Variants in SLC4A1AP observed in about 807,000 individuals in gnomAD.
The protein encoded by SLC4A1AP is kanadaptin.
A neutral mutation model predicts 89.7 loss-of-function variants in SLC4A1AP; 64 were observed. That is an observed-to-expected ratio of 0.71 (90% CI 0.58 to 0.88). SLC4A1AP has a LOEUF of 0.88. Among genes scored for constraint, SLC4A1AP ranks in the 40% least tolerant of loss-of-function variants. The probability of loss-of-function intolerance (pLI) is 0.00; values close to 1 mark genes in which losing one functional copy is unlikely to be tolerated. For missense variants in SLC4A1AP, 931 were observed against 965.0 expected, an observed-to-expected ratio of 0.96 and a Z score of 0.47; for synonymous variants, 366 against 353.3, an observed-to-expected ratio of 1.04 and a Z score of -0.40.
At chr2:27,673,333 C>CT (rs11395333) in intron 5 of SLC4A1AP, among the ~76,000 whole-genome samples, 146,928 of 148,222 alleles carry the variant, frequency 0.99, 72,829 homozygotes, top group South Asian at 1. Context: ...TCTTTCTTTT[C>CT]TTTCTTTCTT....
At chr2:27,668,945 C>T in intron 4 of SLC4A1AP, 42 bp downstream of exon 4, 3 of 1,558,682 alleles carry the variant, frequency 1.9e-6, no homozygotes, top group South Asian at 1.1e-5. Context: ...GGAAAATGGC[C>T]AATTTCAGGT....
intron 2 of SLC4A1AP, 78 bp downstream of exon 2, chr2:27,665,373 C>T (rs1199052674): frequency 3.1e-6 from 4 of 1,271,148 alleles, no homozygotes; most frequent in African/African-American, 1.5e-5. Context: ...TTTTTTAAAT[C>T]ATACAGCTTT....
At chr2:27,684,251 C>G (rs1182176965) in intron 9 of SLC4A1AP, among the ~76,000 whole-genome samples, 2 of 151,960 alleles carry the variant, frequency 1.3e-5, no homozygotes. Context: ...CATGGTGAAA[C>G]CCCGTCTCTA....
intron 9 of SLC4A1AP, 93 bp downstream of exon 9, chr2:27,682,452 T>C: frequency 1.4e-6 from 1 of 718,266 alleles, no homozygotes; most frequent in South Asian, 1.8e-5. Context: ...AAATGACTCA[T>C]TCCATAGTAA....
chr2:27,688,023 A>G lies in SLC4A1AP; in HGVS notation c.2203+3A>G, dbSNP rs1259786292. The stretch of plus-strand genomic sequence containing the variant: ...TTCATTGTGCGCAGGACCCTCAGGC[A>G]AGTAGTACGGCAGCCTTCATTGCTG... On this transcript the variant is annotated splice_donor_region_variant and intron_variant, in intron 11 of 13. Coordinates refer to ENST00000613058, the Ensembl canonical transcript of SLC4A1AP. 2 of 1,612,800 alleles carry G rather than the reference A, an allele frequency of 1.2e-6. No individual in the cohort carries two copies. The highest frequency in any genetic ancestry group is 1.7e-6 in the Non-Finnish European group (2 of 1,178,978).
exon 5 of SLC4A1AP, chr2:27,669,259 A>G: frequency 6.2e-7 from 1 of 1,611,134 alleles, no homozygotes; most frequent in South Asian, 1.1e-5. Flanking sequence ...TTACCTGTGG[A>G]CGATTCAACT....
At chr2:27,672,160 T>A (rs1489991111) in intron 5 of SLC4A1AP, among the ~76,000 whole-genome samples, 2 of 152,206 alleles carry the variant, frequency 1.3e-5, no homozygotes, top group Non-Finnish European at 2.9e-5. Flanking sequence ...TCTGGGTACT[T>A]GTTGGATCCT....
chr2:27,680,279 A>G (rs1206811915), intron 8 of SLC4A1AP, among the ~76,000 whole-genome samples: 1 of 152,156 alleles, frequency 6.6e-6, no homozygotes, highest in Non-Finnish European at 1.5e-5. Flanking sequence ...GAGACTTTTC[A>G]CAGTATATGT....
At chr2:27,669,641 A>G (rs999355705) in intron 5 of SLC4A1AP, among the ~76,000 whole-genome samples, 12 of 151,478 alleles carry the variant, frequency 7.9e-5, no homozygotes, top group African/African-American at 2.9e-4. Context: ...CATATTAATT[A>G]CAATCTTTTG....
At chr2:27,673,349 T>C (rs987475979) in intron 5 of SLC4A1AP, among the ~76,000 whole-genome samples, 3 of 150,642 alleles carry the variant, frequency 2.0e-5, no homozygotes, top group African/African-American at 7.3e-5. Context: ...TTCTTTCTTT[T>C]TCTTTTCCTC....
At chr2:27,681,083 C>T (rs183831221) in intron 8 of SLC4A1AP, among the ~76,000 whole-genome samples, 3 of 152,280 alleles carry the variant, frequency 2.0e-5, no homozygotes, top group African/African-American at 7.2e-5. Flanking sequence ...CTCCTTTGAG[C>T]CAGTCTTAGC....
chr2:27,689,962 T>G (rs1288938663), intron 12 of SLC4A1AP, among the ~76,000 whole-genome samples: 11 of 152,224 alleles, frequency 7.2e-5, no homozygotes, highest in Non-Finnish European at 1.3e-4. Context: ...CTGCCCCTTT[T>G]AAAGAGTGTC....
At chr2:27,679,672 A>G (rs1435048742) in intron 8 of SLC4A1AP, among the ~76,000 whole-genome samples, 2 of 152,306 alleles carry the variant, frequency 1.3e-5, no homozygotes, top group Admixed American at 6.5e-5. Context: ...AAAGGCAACT[A>G]TATATAAGAT....
At position 27,663,922 on chromosome 2, in the gene SLC4A1AP, A is replaced by G. The variant is rs376517606; in HGVS notation, c.170A>G (p.Asp57Gly). 2.6e-5 allele frequency: 42 copies of G among 1,614,044 alleles called. No homozygotes were observed. The African/African-American group carries it at 3.6e-4, about 14-fold the overall frequency. ...AAGTTGCACCGGTTGAGGATGGCTG[A>G]CATTCTCTCTCAGTCAGAGACCCTG... Residue 57 changes from aspartate to glycine, a missense_variant, in exon 1 of 14, where the codon GAC (aspartate) becomes GGC (glycine). Coordinates refer to ENST00000613058, the Ensembl canonical transcript of SLC4A1AP.
chr2:27,675,412 C>A, intron 5 of SLC4A1AP, 120 bp from the exon 6 acceptor site: 1 of 597,750 alleles, frequency 1.7e-6, no homozygotes, highest in Non-Finnish European at 2.8e-6. Flanking sequence ...AGTTTGGCAG[C>A]TTGTAGAACC....
chr2:27,673,671 T>C (rs573321086), intron 5 of SLC4A1AP, among the ~76,000 whole-genome samples: 2 of 152,284 alleles, frequency 1.3e-5, no homozygotes, highest in Admixed American at 1.3e-4. Flanking sequence ...GGTCTTGCTA[T>C]GTTGCCCAGG....
chr2:27,683,763 A>C (rs1433148307), intron 9 of SLC4A1AP, among the ~76,000 whole-genome samples: 1 of 152,080 alleles, frequency 6.6e-6, no homozygotes, highest in Non-Finnish European at 1.5e-5. Flanking sequence ...ATTGAGAGAC[A>C]GTCTCACACT....
At chr2:27,684,898 A>G in intron 9 of SLC4A1AP, 139 bp from the exon 10 acceptor site, 1 of 943,994 alleles carries the variant, frequency 1.1e-6, no homozygotes. Flanking sequence ...TCAAAGTCCC[A>G]CCTCCAGCAG....
In SLC4A1AP at chr2:27,675,515, A is replaced by G. The variant is rs1402617829; in HGVS notation, c.1346-17A>G. ...TTTTTTAAAAACTTATTTATTCATCATTTTATCTACCTCTAGTATCTCGGA... is the reference window on the plus strand; with the variant it reads ...TTTTTTAAAAACTTATTTATTCATCGTTTTATCTACCTCTAGTATCTCGGA... On this transcript the variant is annotated splice_polypyrimidine_tract_variant and intron_variant, in intron 5 of 13. Transcript: ENST00000613058. The G allele has an allele frequency of 7.9e-6, 12 of 1,520,208 alleles. No individual in the cohort carries two copies. Among genetic ancestry groups the G allele is most frequent in the Non-Finnish European group, 9.7e-6 (11 of 1,129,804 alleles). The allele number at this position is 1,520,208 out of a possible 1,614,324, so 94.2% of individuals were successfully genotyped here.
Sources: allele counts gnomAD v4.1 joint callset (sites outside exome capture counted in the v4.1 genomes callset), GRCh38; gene constraint gnomAD v4.1.1; transcripts MANE v1.5; gene names NCBI Gene and HGNC (gene_info 2026-07-23, HGNC 2026-07-21).